Variants in KMT2D observed in about 807,000 individuals in gnomAD.
The protein encoded by KMT2D is histone-lysine N-methyltransferase 2D.
In KMT2D, 55 loss-of-function variants were observed where a neutral mutation model predicts 512.7. That is an observed-to-expected ratio of 0.11 (90% CI 0.09 to 0.13). The LOEUF is 0.13. Ranked by LOEUF, KMT2D falls within the 10% of genes least tolerant of loss-of-function variation. The pLI is 1.00. For missense variants in KMT2D, 6,061 were observed against 7,127.9 expected (o/e 0.85, Z 5.39); for synonymous variants, 2,995 against 2,904.0 (o/e 1.03, Z -1.01).
chr12:49,019,211 A>G lies in KMT2D; in HGVS notation c.*2569T>C. 9.9e-7 allele frequency: 1 copy of G among 1,005,978 alleles called. No individual in the cohort carries two copies. The highest frequency in any genetic ancestry group is 1.7e-5 in the African/African-American group (1 of 59,650). 62.3% of individuals were successfully genotyped at this position (1,005,978 alleles called of 1,614,324 possible). A position where few individuals can be genotyped will look rare whatever the true frequency, so the allele number is the denominator to read the frequency against. ...CAACCTTGCTGTACAGGATACACACAACACAAAATAAAGTCTTCACGGGAT... is the reference window on the plus strand; with the variant it reads ...CAACCTTGCTGTACAGGATACACACGACACAAAATAAAGTCTTCACGGGAT... On this transcript the variant is annotated 3_prime_UTR_variant, in exon 55 of 55. Transcript: ENST00000301067.
rs766252129 is a variant in KMT2D, at chr12:49,038,987, T to A, written c.8369A>T (p.Gln2790Leu). 7.5e-5 allele frequency: 116 copies of A among 1,551,878 alleles called. 1 individual carries two copies. The highest frequency in any genetic ancestry group is 6.1e-4 in the South Asian group (51 of 84,128). ...TPSSMDVNSR[Q>L]LVGGSQAFYQ... ...GAAAGCTTGGGAGCCTCCTACCAGTTGCCTGGAAGAATATACAGTAGTCAG... is the reference window on the plus strand; with the variant it reads ...GAAAGCTTGGGAGCCTCCTACCAGTAGCCTGGAAGAATATACAGTAGTCAG... The change falls in exon 35 of 55, where the codon CAA becomes CTA. Residue 2790 changes from glutamine (Q) to leucine (L), a missense_variant and splice_region_variant. Around this residue, in one of 16 missense-constraint regions of KMT2D, gnomAD observed 527 missense variants for 578.9 expected, o/e 0.91. Coordinates refer to ENST00000301067, the MANE Select transcript of KMT2D (RefSeq NM_003482.4). This position sits in a 1 kb window ranked among gnomAD's most constrained non-coding sequence, Gnocchi z 5.7.
intron 47 of KMT2D, 34 bp from the exon 48 acceptor site, chr12:49,027,964 G>C (rs754126792): frequency 6.4e-5 from 103 of 1,613,310 alleles, no homozygotes; most frequent in Non-Finnish European, 8.6e-5. Context: ...CCTCCCACCA[G>C]AATCACTCCC....
Position 49,033,050 on chromosome 12 carries a change from C to A in KMT2D, c.11655G>T (p.Gly3885=), listed in dbSNP as rs2120438214. 6.4e-7 allele frequency: 1 copy of A among 1,551,560 alleles called. No individual in the cohort carries two copies. Among genetic ancestry groups the A allele is most frequent in the East Asian group, 2.4e-5 (1 of 40,910 alleles). ...HLQQSLMSHS[G]QPKLSAQPMG... ...TGGGCTGAGCGCTCAGTTTGGGCTGCCCACTGTGTGACATCAGACTCTGCT... is the reference window on the plus strand; with the variant it reads ...TGGGCTGAGCGCTCAGTTTGGGCTGACCACTGTGTGACATCAGACTCTGCT... Residue 3885 remains glycine, a synonymous_variant, in exon 40 of 55, where the codon GGG becomes GGT. Transcript: ENST00000301067.
Position 49,039,272 on chromosome 12 carries a change from G to A in KMT2D, c.8316C>T (p.Leu2772=), listed in dbSNP as rs1213961841. ...GPGSFPSDDR[L]SRPPPPATPS... is the part of the protein sequence containing the mutation. Reference sequence around the variant, plus strand: ...GCGTGGCTGGTGGAGGTGGCCGGGAGAGTCGGTCATCGCTAGGGAAGGACC... The same window carrying A: ...GCGTGGCTGGTGGAGGTGGCCGGGAAAGTCGGTCATCGCTAGGGAAGGACC... The change falls in exon 34 of 55, where the codon CTC becomes CTT. Residue 2772 remains leucine (L), a synonymous_variant. Transcript: ENST00000301067. The surrounding 1 kb of genome is among the most constrained non-coding windows in gnomAD (Gnocchi z 5.0). 5.0e-6 allele frequency: 8 copies of A among 1,613,534 alleles called. No homozygotes were observed. The Middle Eastern group carries it at 6.6e-4, about 133-fold the overall frequency.
At position 49,043,692 on chromosome 12, in the gene KMT2D, G is replaced by A. The variant is rs2120571977; in HGVS notation, c.5410C>T (p.Pro1804Ser). Reference sequence around the variant, plus strand: ...GAGCCTCCATCTCCCTTGGCTTTTGGGGTCCCTAGTCCAAAGCTTGGCCGG... The same window carrying A: ...GAGCCTCCATCTCCCTTGGCTTTTGAGGTCCCTAGTCCAAAGCTTGGCCGG... ...VGRPSFGLGT[P>S]KAKGDGGSER... Residue 1804 changes from proline (P) to serine (S), a missense_variant, in exon 24 of 55, where the codon CCA becomes TCA. By Grantham distance (74) the Pro-to-Ser change is moderately conservative (BLOSUM62 -1). This residue lies in a region of KMT2D where 640 missense variants were observed against 814.3 expected (regional missense o/e 0.79). Coordinates refer to ENST00000301067, the MANE Select transcript of KMT2D (RefSeq NM_003482.4). 2 of 1,613,972 alleles carry A rather than the reference G, an allele frequency of 1.2e-6. No homozygotes were observed. Among genetic ancestry groups the A allele is most frequent in the Middle Eastern group, 1.6e-4 (1 of 6,062 alleles).
In KMT2D at chr12:49,033,792, C is replaced by G. The variant is rs769568454; in HGVS notation, c.10913G>C (p.Gly3638Ala). 4.4e-6 allele frequency: 7 copies of G among 1,601,388 alleles called. No homozygotes were observed. The South Asian group carries it at 7.8e-5, about 18-fold the overall frequency. The change falls in exon 40 of 55, where the codon GGC (glycine) becomes GCC (alanine). Residue 3638 changes from glycine (G) to alanine (A), a missense_variant. Physicochemically the swap from Gly to Ala is moderately conservative, Grantham distance 60 (BLOSUM62 0). Transcript: ENST00000301067. ...CCCCTGTGGTGGCTGCAGCCCATGGCCAGGGAGCAGCTGACCAGGGAGCTT... is the reference window on the plus strand; with the variant it reads ...CCCCTGTGGTGGCTGCAGCCCATGGGCAGGGAGCAGCTGACCAGGGAGCTT... ...LTKLPGQLLP[G>A]HGLQPPQGPP...
intron 49 of KMT2D, among the ~76,000 whole-genome samples, chr12:49,025,731 A>G (rs1206054886): frequency 6.6e-6 from 1 of 152,272 alleles, no homozygotes; most frequent in Admixed American, 6.5e-5. Context: ...AACTACACAA[A>G]TCACTTAGCT....
In KMT2D at chr12:49,019,415, TA is replaced by T. The variant is rs147052695; in HGVS notation, c.*2364del. 104 of 197,770 alleles carry T rather than the reference TA, an allele frequency of 5.3e-4. No homozygotes were observed. Among genetic ancestry groups the T allele is most frequent in the East Asian group, 1.7e-3 (20 of 12,090 alleles). 12.3% of individuals were successfully genotyped at this position (197,770 alleles called of 1,614,324 possible). ...GATGCAATTATACAGGCAGGGTACT[TA>T]AAAAAAAAACCAACCAAAATTCCAA... is the stretch of plus-strand genomic sequence containing the variant. On this transcript the variant is annotated 3_prime_UTR_variant, in exon 55 of 55. Transcript: ENST00000301067.
rs886049488 is a variant in KMT2D, at chr12:49,054,740, A to G, written c.188T>C (p.Val63Ala). The G allele has an allele frequency of 8.1e-6, 13 of 1,613,690 alleles. No individual in the cohort carries two copies. Among genetic ancestry groups the G allele is most frequent in the Non-Finnish European group, 1.1e-5 (13 of 1,179,798 alleles). ...ETPQDCSGGP[V>A]RRCALCNCGE... is the part of the protein sequence containing the mutation. The stretch of plus-strand genomic sequence containing the variant: ...GCAGTTACAGAGAGCACAACGCCGC[A>G]CCGGACCCCCACTGTGGACACACAA... The change falls in exon 4 of 55, where the codon GTG (valine) becomes GCG (alanine). Residue 63 changes from valine to alanine, a missense_variant. Coordinates refer to ENST00000301067, the MANE Select transcript of KMT2D (RefSeq NM_003482.4). The surrounding 1 kb of genome is among the most constrained non-coding windows in gnomAD (Gnocchi z 6.4).
At position 49,033,654 on chromosome 12, in the gene KMT2D, T is replaced by C. The variant is rs756440295; in HGVS notation, c.11051A>G (p.Gln3684Arg). The C allele has an allele frequency of 5.0e-6, 8 of 1,613,586 alleles. No individual in the cohort carries two copies. The highest frequency in any genetic ancestry group is 6.8e-6 in the Non-Finnish European group (8 of 1,179,884). Residue 3684 changes from glutamine (Q) to arginine (R), a missense_variant, in exon 40 of 55, where the codon CAA (glutamine) becomes CGA (arginine). Transcript: ENST00000301067. ...CAGGGATCCAGCCCCACCAGAATGT[T>C]GCTGTTGCTGCTGTTGGGCCAGAGC... ...NTALAQQQQQ[Q>R]HSGGAGSLAG...
chr12:49,024,898 G>C lies in KMT2D; in HGVS notation c.15833C>G (p.Ala5278Gly), dbSNP rs2137711893. Residue 5278 changes from alanine to glycine, a missense_variant, in exon 50 of 55, where the codon GCT (alanine) becomes GGT (glycine). Ala to Gly is a moderately conservative substitution (Grantham distance 60). Transcript: ENST00000301067. The surrounding 1 kb of genome is among the most constrained non-coding windows in gnomAD (Gnocchi z 4.5). ...IEPVAAMRKE[A>G]DMLRLFPEYL... Reference sequence around the variant, plus strand: ...CTCAGGGAAGAGTCGCAGCATGTCAGCCTCTTTTCTCATGGCAGCCACAGG... The same window carrying C: ...CTCAGGGAAGAGTCGCAGCATGTCACCCTCTTTTCTCATGGCAGCCACAGG... 1 of 1,602,546 alleles carries C rather than the reference G, an allele frequency of 6.2e-7. No homozygotes were observed. The highest frequency in any genetic ancestry group is 1.1e-5 in the South Asian group (1 of 88,912).
chr12:49,039,102 A>C lies in KMT2D; in HGVS notation c.8367-113T>G. 6.6e-7 allele frequency: 1 copy of C among 1,523,976 alleles called. No individual in the cohort carries two copies. 94.4% of individuals were successfully genotyped at this position (1,523,976 alleles called of 1,614,324 possible). On this transcript the variant is annotated intron_variant, in intron 34 of 54. Coordinates refer to ENST00000301067, the MANE Select transcript of KMT2D (RefSeq NM_003482.4). This position sits in a 1 kb window ranked among gnomAD's most constrained non-coding sequence, Gnocchi z 5.0. ...AATGCAGTGAGGGAGAAAAGGAATG[A>C]GGAAGAAGAGAAAGTGATACTGGAA...
rs1166258271 is a variant in KMT2D, at chr12:49,022,863, C to T, written c.16065G>A (p.Leu5355=). ...ATGCCTTAGACATGCTGGTGCTGTT[C>T]AGGGTATGGGGCCTGGGAGGTGATA... is the stretch of plus-strand genomic sequence containing the variant. ...ILTHYKRPHT[L]NSTSMSKAYQ... is the part of the protein sequence containing the mutation. The change falls in exon 52 of 55, where the codon CTG becomes CTA. Residue 5355 remains leucine, a synonymous_variant. Coordinates refer to ENST00000301067, the MANE Select transcript of KMT2D (RefSeq NM_003482.4). This position sits in a 1 kb window ranked among gnomAD's most constrained non-coding sequence, Gnocchi z 8.6. 1 of 1,601,714 alleles carries T rather than the reference C, an allele frequency of 6.2e-7. No homozygotes were observed. The highest frequency in any genetic ancestry group is 2.2e-5 in the East Asian group (1 of 44,696).
Position 49,022,444 on chromosome 12 carries a change from G to T in KMT2D, c.16339-91C>A, listed in dbSNP as rs531629978. The T allele has an allele frequency of 2.4e-4, 357 of 1,495,606 alleles. 1 individual carries two copies. Among genetic ancestry groups the T allele is most frequent in the Non-Finnish European group, 3.0e-4 (323 of 1,085,604 alleles). 92.6% of individuals were successfully genotyped at this position (1,495,606 alleles called of 1,614,324 possible). A position where few individuals can be genotyped will look rare whatever the true frequency, so the allele number is the denominator to read the frequency against. On this transcript the variant is annotated intron_variant, in intron 52 of 54. Transcript: ENST00000301067. This position sits in a 1 kb window ranked among gnomAD's most constrained non-coding sequence, Gnocchi z 8.6. ...ATCAGGTAGGAGACTCAGGCAGTGG[G>T]GGCTTTTGTTGCATGTACTTCATTT... is the stretch of plus-strand genomic sequence containing the variant.
rs746562252 is a variant in KMT2D, at chr12:49,040,355, G to A, written c.7415C>T (p.Pro2472Leu). Residue 2472 changes from proline (P) to leucine (L), a missense_variant, in exon 32 of 55, where the codon CCC becomes CTC. Transcript: ENST00000301067. Reference sequence around the variant, plus strand: ...CTTAAAGGCAACTTCAGGGGGCTGGGGTCGGGGTGGCTTATGCAATGGGGC... The same window carrying A: ...CTTAAAGGCAACTTCAGGGGGCTGGAGTCGGGGTGGCTTATGCAATGGGGC... The part of the protein sequence containing the change: ...PFAPLHKPPR[P>L]QPPEVAFKAG... 6.4e-7 allele frequency: 1 copy of A among 1,565,248 alleles called. No individual in the cohort carries two copies.
chr12:49,053,581 G>C lies in KMT2D; in HGVS notation c.734C>G (p.Thr245Ser), dbSNP rs1454605298. Residue 245 changes from threonine (T) to serine (S), a missense_variant, in exon 7 of 55, where the codon ACC becomes AGC. Transcript: ENST00000301067. ...CCCGTGATAGTGATGCCCACAGCTG[G>C]TACAGAAGAACAGGTCACACAACTC... ...PGELCDLFFC[T>S]SCGHHYHGAC... The C allele has an allele frequency of 5.0e-6, 8 of 1,599,594 alleles. No homozygotes were observed. The East Asian group carries it at 1.8e-4, about 36-fold the overall frequency.
Position 49,034,601 on chromosome 12 carries a change from A to T in KMT2D, c.10421T>A (p.Val3474Glu). 1 of 1,613,684 alleles carries T rather than the reference A, an allele frequency of 6.2e-7. No homozygotes were observed. The highest frequency in any genetic ancestry group is 8.5e-7 in the Non-Finnish European group (1 of 1,179,794). ...ACTTACCTGGCCACTCCCAGCTGCC[A>T]CATGGTTCTGCAGATCACTGCTAGG... ...GGPSSDLQNH[V>E]AAGSGQERSA... Residue 3474 changes from valine to glutamate, a missense_variant, in exon 37 of 55, where the codon GTG (valine) becomes GAG (glutamate). By Grantham distance (121) the Val-to-Glu change is moderately radical. Coordinates refer to ENST00000301067, the MANE Select transcript of KMT2D (RefSeq NM_003482.4).
chr12:49,031,892 T>C lies in KMT2D; in HGVS notation c.12813A>G (p.Thr4271=). ...CTGCCCCTAGCTCCTGGAGGGGGCC[T>C]GTCTGTGGTCCAGGGAAGCCCCCAA... ...PQLGGFPGPQ[T]GPLQELGAGP... The change falls in exon 40 of 55, where the codon ACA becomes ACG. Residue 4271 remains threonine (T), a synonymous_variant. Transcript: ENST00000301067. 6.5e-7 allele frequency: 1 copy of C among 1,533,084 alleles called. No individual in the cohort carries two copies. The highest frequency in any genetic ancestry group is 8.8e-7 in the Non-Finnish European group (1 of 1,141,796). 95.0% of individuals were successfully genotyped at this position (1,533,084 alleles called of 1,614,324 possible).
chr12:49,049,295 G>A (rs915439562), intron 12 of KMT2D, 77 bp from the exon 13 acceptor site: 1 of 920,684 alleles, frequency 1.1e-6, no homozygotes. Context: ...AACAGAAGAA[G>A]TGACAAACGG....
Sources: allele counts gnomAD v4.1 joint callset (sites outside exome capture counted in the v4.1 genomes callset), GRCh38; gene constraint gnomAD v4.1.1; regional missense constraint gnomAD v4.1.1; non-coding constraint Gnocchi (gnomAD v3.1); transcripts MANE v1.5; gene names NCBI Gene and HGNC (gene_info 2026-07-23, HGNC 2026-07-21).